The following DIAPH3 variants were observed in gnomAD, a reference collection of about 807,000 sequenced individuals.
The protein encoded by DIAPH3 is diaphanous related formin 3, also known as protein diaphanous homolog 3.
In DIAPH3, 117 loss-of-function variants were observed where a neutral mutation model predicts 144.3. The ratio of observed to expected loss-of-function variants is 0.81; its 90% CI spans 0.70 to 0.95. The LOEUF is 0.95. Ranked by LOEUF, DIAPH3 falls within the 40% of genes least tolerant of loss-of-function variation. DIAPH3 has a pLI of 0.00. For synonymous variants in DIAPH3, 519 were observed against 488.9 expected, an observed-to-expected ratio of 1.06 and a Z score of -0.81; for missense variants, 1,421 against 1,412.7, an observed-to-expected ratio of 1.01 and a Z score of -0.09.
At chr13:60,044,489 A>G (rs1002148529) in intron 4 of DIAPH3, 4 of 152,204 alleles carry the variant, frequency 2.6e-5, no homozygotes, top group African/African-American at 9.7e-5. Flanking sequence ...TTTTTACCGC[A>G]GTCACTGATA....
At chr13:59,725,238 G>A (rs1422469733) in intron 27 of DIAPH3, among the ~76,000 whole-genome samples, 1 of 152,166 alleles carries the variant, frequency 6.6e-6, no homozygotes, top group Non-Finnish European at 1.5e-5. Flanking sequence ...GCAAAGAAAA[G>A]CTAAGGAAGA....
At chr13:59,761,430 A>G (rs1025118205) in intron 27 of DIAPH3, among the ~76,000 whole-genome samples, 1 of 152,170 alleles carries the variant, frequency 6.6e-6, no homozygotes, top group Non-Finnish European at 1.5e-5. Context: ...TGCTCTAAAA[A>G]GTAAAAAAAA....
intron 27 of DIAPH3, among the ~76,000 whole-genome samples, chr13:59,762,468 G>A (rs994983830): frequency 4.0e-5 from 6 of 149,164 alleles, no homozygotes; most frequent in African/African-American, 1.5e-4. Flanking sequence ...GTGAAAAAGA[G>A]GCAGAGATCA....
intron 20 of DIAPH3, among the ~76,000 whole-genome samples, chr13:59,894,557 A>G (rs933125986): frequency 3.5e-5 from 5 of 144,282 alleles, no homozygotes; most frequent in African/African-American, 1.3e-4. Context: ...GAAGAAAAGG[A>G]AAGAAGTCTC....
chr13:60,112,712 G>T (rs2138072487), intron 2 of DIAPH3, among the ~76,000 whole-genome samples: 1 of 152,130 alleles, frequency 6.6e-6, no homozygotes, highest in South Asian at 2.1e-4. Flanking sequence ...ATTTATCTTT[G>T]TTCAGGCTGG....
At chr13:59,720,959 G>A (rs2035313671) in intron 27 of DIAPH3, among the ~76,000 whole-genome samples, 2 of 152,140 alleles carry the variant, frequency 1.3e-5, no homozygotes, top group South Asian at 4.1e-4. Context: ...AAGGAGCACT[G>A]TAGGAATTTA....
At chr13:59,990,242 A>G (rs1270768377) in intron 12 of DIAPH3, among the ~76,000 whole-genome samples, 1 of 151,796 alleles carries the variant, frequency 6.6e-6, no homozygotes, top group African/African-American at 2.4e-5. Context: ...AAAAACCTAA[A>G]GTTTTAACAT....
At chr13:59,889,691 C>A (rs2045668706) in intron 20 of DIAPH3, among the ~76,000 whole-genome samples, 3 of 152,088 alleles carry the variant, frequency 2.0e-5, no homozygotes, top group Admixed American at 6.6e-5. Flanking sequence ...TGAATACTTA[C>A]TTACATATAA....
At chr13:60,031,695 T>C (rs895828309) in intron 5 of DIAPH3, among the ~76,000 whole-genome samples, 11 of 140,572 alleles carry the variant, frequency 7.8e-5, no homozygotes, top group African/African-American at 2.8e-4. Flanking sequence ...CTACAGGCCC[T>C]AAGCAAGTTT....
At chr13:60,120,614 A>C (rs1023124705) in intron 2 of DIAPH3, among the ~76,000 whole-genome samples, 2 of 152,242 alleles carry the variant, frequency 1.3e-5, no homozygotes, top group African/African-American at 4.8e-5. Flanking sequence ...TTATGCTCTT[A>C]AAATTTCTTC....
intron 4 of DIAPH3, among the ~76,000 whole-genome samples, chr13:60,083,573 C>T (rs2057638205): frequency 6.6e-6 from 1 of 151,954 alleles, no homozygotes; most frequent in Non-Finnish European, 1.5e-5. Flanking sequence ...ATACACACAT[C>T]AGCAAAATTC....
chr13:59,869,789 C>A (rs961962478), intron 21 of DIAPH3, among the ~76,000 whole-genome samples: 2 of 152,070 alleles, frequency 1.3e-5, no homozygotes, highest in African/African-American at 4.8e-5. Flanking sequence ...GACACCTATA[C>A]GTTTTGATGG....
At chr13:59,891,942 C>T (rs780913818) in intron 20 of DIAPH3, among the ~76,000 whole-genome samples, 35 of 151,982 alleles carry the variant, frequency 2.3e-4, no homozygotes, top group Middle Eastern at 6.8e-3. Flanking sequence ...CATTGTGTAT[C>T]AAATATTTAT....
At chr13:59,763,031 C>T (rs1566275260) in intron 27 of DIAPH3, among the ~76,000 whole-genome samples, 1 of 152,054 alleles carries the variant, frequency 6.6e-6, no homozygotes, top group Non-Finnish European at 1.5e-5. Flanking sequence ...AGCCAATAAA[C>T]TTCTGTTCAT....
chr13:60,060,025 C>T (rs1864101204), intron 4 of DIAPH3, among the ~76,000 whole-genome samples: 1 of 152,058 alleles, frequency 6.6e-6, no homozygotes, highest in African/African-American at 2.4e-5. Context: ...CAGAGTACTA[C>T]TTTCAAGTGT....
At chr13:60,087,928 T>C in intron 4 of DIAPH3, among the ~76,000 whole-genome samples, 1 of 152,130 alleles carries the variant, frequency 6.6e-6, no homozygotes, top group East Asian at 1.9e-4. Context: ...CAATGATACG[T>C]GGATAAGGGA....
chr13:59,718,890 T>C (rs1219699878), intron 27 of DIAPH3, among the ~76,000 whole-genome samples: 1 of 152,096 alleles, frequency 6.6e-6, no homozygotes, highest in Non-Finnish European at 1.5e-5. Flanking sequence ...CAAATTCATA[T>C]ATTTTAGTGA....
intron 27 of DIAPH3, among the ~76,000 whole-genome samples, chr13:59,712,450 T>C (rs973160213): frequency 2.6e-5 from 4 of 152,238 alleles, no homozygotes; most frequent in African/African-American, 7.2e-5. Context: ...ATTTTCTCTC[T>C]ATTCCCACTG....
At chr13:59,798,597 G>C (rs545070157) in intron 25 of DIAPH3, among the ~76,000 whole-genome samples, 2 of 152,318 alleles carry the variant, frequency 1.3e-5, no homozygotes, top group Admixed American at 1.3e-4. Flanking sequence ...GAACAACAAA[G>C]GTAGTCTTTT....
Sources: allele counts gnomAD v4.1 joint callset (sites outside exome capture counted in the v4.1 genomes callset), GRCh38; gene constraint gnomAD v4.1.1; transcripts MANE v1.5; gene names NCBI Gene and HGNC (gene_info 2026-07-23, HGNC 2026-07-21).